ARB2A: variants seen among roughly 807,000 people sequenced by gnomAD.
ARB2A encodes the protein ARB2 cotranscriptional regulator A.
chr5:93,988,068 T>A, the ARB2A span, among the ~76,000 whole-genome samples: 1 of 152,134 alleles, frequency 6.6e-6, no homozygotes, highest in Non-Finnish European at 1.5e-5. Flanking sequence ...CATTCATTCA[T>A]CAAGTCCCTC....
the ARB2A span, among the ~76,000 whole-genome samples, chr5:93,763,760 G>A: frequency 8.6e-5 from 13 of 151,886 alleles, 1 homozygote; most frequent in Non-Finnish European, 8.8e-5. Context: ...TTTCAGCACC[G>A]CAGCACACCT....
chr5:93,683,794 A>AG, the ARB2A span: 2 of 1,282,628 alleles, frequency 1.6e-6, no homozygotes, highest in Non-Finnish European at 2.2e-6. Flanking sequence ...ACAGCCGCGC[A>AG]GGACGGAATC....
At chr5:93,787,785 A>AGCT in the ARB2A span, among the ~76,000 whole-genome samples, 1 of 152,220 alleles carries the variant, frequency 6.6e-6, no homozygotes, top group African/African-American at 2.4e-5. Flanking sequence ...AAAAAGATCC[A>AGCT]GATCAGTAAG....
At chr5:93,992,338 A>G in the ARB2A span, among the ~76,000 whole-genome samples, 2 of 152,080 alleles carry the variant, frequency 1.3e-5, no homozygotes, top group Non-Finnish European at 1.5e-5. Flanking sequence ...ATACAATGTT[A>G]TAAGGCTCTC....
At chr5:94,082,410 C>A in the ARB2A span, among the ~76,000 whole-genome samples, 1 of 152,122 alleles carries the variant, frequency 6.6e-6, no homozygotes, top group African/African-American at 2.4e-5. Context: ...TAGAAATGTA[C>A]CATTTGCTAC....
chr5:93,650,146 C>A, the ARB2A span, among the ~76,000 whole-genome samples: 3 of 136,204 alleles, frequency 2.2e-5, no homozygotes, highest in Admixed American at 7.3e-5. Flanking sequence ...CAACTTGGAA[C>A]ATATCAAGAA....
chr5:93,740,735 T>A, the ARB2A span: 3 of 1,612,868 alleles, frequency 1.9e-6, no homozygotes, highest in East Asian at 6.7e-5. Flanking sequence ...GTCCCCACAA[T>A]CTCCCGTGGG....
chr5:93,723,293 C>G, the ARB2A span, among the ~76,000 whole-genome samples: 83 of 152,256 alleles, frequency 5.5e-4, 1 homozygote, highest in Admixed American at 9.2e-4. Context: ...AGACTGACCT[C>G]TAGTCTGCTC....
the ARB2A span, chr5:94,053,266 T>C: frequency 9.1e-7 from 1 of 1,093,474 alleles, no homozygotes; most frequent in Non-Finnish European, 1.3e-6. Context: ...TATATTCATT[T>C]TCATAGTTTG....
At chr5:93,781,877 A>T in the ARB2A span, 1 of 985,242 alleles carries the variant, frequency 1.0e-6, no homozygotes, top group Non-Finnish European at 1.2e-6. Context: ...ACTTTCCAAC[A>T]CCCATGCTTA....
At chr5:93,750,245 G>T in the ARB2A span, among the ~76,000 whole-genome samples, 1 of 152,068 alleles carries the variant, frequency 6.6e-6, no homozygotes, top group Non-Finnish European at 1.5e-5. Context: ...TTAACTAATT[G>T]GTAAAATAAT....
At chr5:93,746,866 A>C in the ARB2A span, among the ~76,000 whole-genome samples, 1 of 152,342 alleles carries the variant, frequency 6.6e-6, no homozygotes, top group East Asian at 1.9e-4. Flanking sequence ...TATGATGATG[A>C]GTCAGGTATA....
At chr5:93,843,322 G>T in the ARB2A span, among the ~76,000 whole-genome samples, 2 of 150,896 alleles carry the variant, frequency 1.3e-5, no homozygotes, top group African/African-American at 4.9e-5. Flanking sequence ...ACACTTGAAA[G>T]AAACGGAAGT....
chr5:93,659,405 T>C, the ARB2A span, among the ~76,000 whole-genome samples: 3 of 152,170 alleles, frequency 2.0e-5, no homozygotes, highest in Admixed American at 2.0e-4. Flanking sequence ...TTAGACATCA[T>C]GATGTTGCCC....
At chr5:93,766,146 A>G in the ARB2A span, among the ~76,000 whole-genome samples, 2 of 152,216 alleles carry the variant, frequency 1.3e-5, no homozygotes, top group Non-Finnish European at 2.9e-5. Context: ...TTCATGTCTA[A>G]AACACCAAAA....
At chr5:93,853,763 T>C in the ARB2A span, among the ~76,000 whole-genome samples, 1 of 152,232 alleles carries the variant, frequency 6.6e-6, no homozygotes, top group Non-Finnish European at 1.5e-5. Flanking sequence ...ATTACATAAA[T>C]TGATTTGCGT....
the ARB2A span, among the ~76,000 whole-genome samples, chr5:94,081,809 G>A: frequency 1.3e-5 from 2 of 151,782 alleles, no homozygotes; most frequent in Non-Finnish European, 2.9e-5. Context: ...GTATTAAATG[G>A]TTCTCTCTCC....
the ARB2A span, among the ~76,000 whole-genome samples, chr5:94,060,394 C>A: frequency 6.6e-6 from 1 of 152,058 alleles, no homozygotes; most frequent in Non-Finnish European, 1.5e-5. Context: ...CAACCCTATA[C>A]ACATAAATTA....
chr5:93,685,648 T>C, the ARB2A span, among the ~76,000 whole-genome samples: 2 of 152,196 alleles, frequency 1.3e-5, no homozygotes, highest in African/African-American at 2.4e-5. Context: ...AGAGGGTGCT[T>C]AAGCCTCACC....
Sources: allele counts gnomAD v4.1 joint callset (sites outside exome capture counted in the v4.1 genomes callset), GRCh38; gene constraint gnomAD v4.1.1; transcripts MANE v1.5; gene names NCBI Gene and HGNC (gene_info 2026-07-23, HGNC 2026-07-21).